Variants in DHRS3 observed in about 807,000 individuals in gnomAD.
DHRS3 encodes the protein short-chain dehydrogenase/reductase 3.
DHRS3 carries 14 observed loss-of-function variants against 27.2 expected under a neutral mutation model. The ratio of observed to expected loss-of-function variants is 0.52; its 90% CI spans 0.34 to 0.81. The LOEUF (loss-of-function observed/expected upper bound fraction) is 0.81. Ranked by LOEUF, DHRS3 falls within the 30% of genes least tolerant of loss-of-function variation. DHRS3 has a pLI of 0.01. For missense variants in DHRS3, 322 were observed against 406.2 expected (o/e 0.79, Z 1.78); for synonymous variants, 165 against 175.9 (o/e 0.94, Z 0.49).
intron 3 of DHRS3, 61 bp downstream of exon 3, chr1:12,579,232 C>T: frequency 6.2e-7 from 1 of 1,612,890 alleles, no homozygotes; most frequent in Non-Finnish European, 8.5e-7. Flanking sequence ...ATCCCCTCCC[C>T]TCCATCCTGC....
At chr1:12,590,628 A>G (rs928505061) in intron 1 of DHRS3, among the ~76,000 whole-genome samples, 1 of 152,056 alleles carries the variant, frequency 6.6e-6, no homozygotes, top group Non-Finnish European at 1.5e-5. Context: ...TCATTTCTAC[A>G]AAGACTCTGT....
intron 1 of DHRS3, among the ~76,000 whole-genome samples, chr1:12,612,269 C>T (rs369863152): frequency 3.3e-5 from 5 of 152,276 alleles, no homozygotes; most frequent in African/African-American, 1.2e-4. Flanking sequence ...GGCCTGATGA[C>T]TCTAGGGACC....
intron 5 of DHRS3, 110 bp from the exon 6 acceptor site, chr1:12,568,534 G>A: frequency 2.0e-6 from 2 of 1,023,298 alleles, no homozygotes; most frequent in African/African-American, 1.6e-5. Context: ...GTTCCTGAAA[G>A]TGCTCCCCAC....
At chr1:12,617,082 C>G (rs567383368) in intron 1 of DHRS3, 72 bp downstream of exon 1, 24 of 1,490,700 alleles carry the variant, frequency 1.6e-5, no homozygotes, top group African/African-American at 2.8e-5. Context: ...GCGCGGGATC[C>G]CGCAGCGGCA....
At chr1:12,615,231 C>T (rs1032637458) in intron 1 of DHRS3, among the ~76,000 whole-genome samples, 4 of 151,966 alleles carry the variant, frequency 2.6e-5, no homozygotes, top group Admixed American at 2.6e-4. Context: ...CAGATAATGG[C>T]GAGTTACAGG....
chr1:12,589,840 CATTATTATT>C (rs150189606), intron 1 of DHRS3, among the ~76,000 whole-genome samples: 3 of 149,172 alleles, frequency 2.0e-5, no homozygotes, highest in Admixed American at 6.7e-5. Context: ...AGCTAGCTGT[CATTATTATT>C]ATTATTATTA....
intron 1 of DHRS3, among the ~76,000 whole-genome samples, chr1:12,615,403 C>T (rs772239072): frequency 4.7e-4 from 72 of 152,150 alleles, no homozygotes; most frequent in Admixed American, 4.5e-3. Flanking sequence ...TGGAAGAGGA[C>T]GTCCAGTCCA....
At chr1:12,579,271 T>G in intron 3 of DHRS3, 22 bp downstream of exon 3, 1 of 1,614,058 alleles carries the variant, frequency 6.2e-7, no homozygotes. Context: ...CGGGGCTGGC[T>G]CTGGCCCCGG....
intron 1 of DHRS3, among the ~76,000 whole-genome samples, chr1:12,590,470 C>A (rs1646736314): frequency 6.6e-6 from 1 of 152,058 alleles, no homozygotes; most frequent in Non-Finnish European, 1.5e-5. Flanking sequence ...GCCACCACGC[C>A]CGGCTAATTT....
At chr1:12,616,874 G>T in intron 1 of DHRS3, 1 of 1,056,360 alleles carries the variant, frequency 9.5e-7, no homozygotes, top group Non-Finnish European at 1.3e-6. Context: ...AGGAATGTGG[G>T]AAATGGTGGG....
chr1:12,576,258 C>G (rs1646585839), intron 4 of DHRS3, among the ~76,000 whole-genome samples: 1 of 152,106 alleles, frequency 6.6e-6, no homozygotes, highest in African/African-American at 2.4e-5. Flanking sequence ...GCTCAGGACA[C>G]CCAATTAGAA....
At chr1:12,569,343 A>G (rs1042677126) in intron 5 of DHRS3, among the ~76,000 whole-genome samples, 4 of 151,652 alleles carry the variant, frequency 2.6e-5, no homozygotes, top group Non-Finnish European at 4.4e-5. Context: ...TAAAATTTTT[A>G]TCTTTTTCCT....
At chr1:12,602,452 G>A (rs1646841926) in intron 1 of DHRS3, among the ~76,000 whole-genome samples, 1 of 151,980 alleles carries the variant, frequency 6.6e-6, no homozygotes, top group African/African-American at 2.4e-5. Flanking sequence ...GAGGGCTTCT[G>A]TGGCAGGGGC....
intron 1 of DHRS3, 47 bp downstream of exon 1, chr1:12,617,107 C>T (rs757399594): frequency 5.1e-6 from 8 of 1,569,428 alleles, no homozygotes; most frequent in East Asian, 2.3e-5. Context: ...GTGGGCTTAC[C>T]CCCGCCCCTG....
At chr1:12,602,246 C>A (rs895619118) in intron 1 of DHRS3, among the ~76,000 whole-genome samples, 46 of 152,298 alleles carry the variant, frequency 3.0e-4, no homozygotes, top group African/African-American at 1.1e-3. Context: ...GGAGGCTGTA[C>A]CCCTGACCAG....
chr1:12,602,014 A>G (rs113921525), intron 1 of DHRS3, among the ~76,000 whole-genome samples: 75 of 152,332 alleles, frequency 4.9e-4, no homozygotes, highest in African/African-American at 1.7e-3. Context: ...ATACTGTGCC[A>G]GTTGCCAGAT....
chr1:12,602,906 GACA>G (rs889783066), intron 1 of DHRS3, among the ~76,000 whole-genome samples: 25 of 152,374 alleles, frequency 1.6e-4, no homozygotes, highest in Middle Eastern at 3.4e-3. Flanking sequence ...TGGCTGCTGT[GACA>G]CTGCCTTTGG....
intron 4 of DHRS3, among the ~76,000 whole-genome samples, chr1:12,577,979 C>T (rs965555261): frequency 1.1e-4 from 16 of 152,274 alleles, no homozygotes; most frequent in African/African-American, 2.9e-4. Context: ...CTAGTTCCCT[C>T]GCCTCCCTCC....
In DHRS3 at chr1:12,578,956, T is replaced by A; in HGVS notation, c.460A>T (p.Thr154Ser). 6.2e-7 allele frequency: 1 copy of A among 1,611,114 alleles called. No individual in the cohort carries two copies. Among genetic ancestry groups the A allele is most frequent in the Non-Finnish European group, 8.5e-7 (1 of 1,179,418 alleles). Residue 154 changes from threonine (T) to serine (S), a missense_variant and splice_region_variant, in exon 4 of 6, where the codon ACC (threonine) becomes TCC (serine). By Grantham distance (58) the Thr-to-Ser change is moderately conservative. Transcript: ENST00000616661. The surrounding 1 kb of genome is among the most constrained non-coding windows in gnomAD (Gnocchi z 4.5). ...QHINTLGQFW[T>S]TKAFLPRMLE... ...ATACGCGGCAGGAAGGCCTTGGTGG[T>A]CTGAGGGCAGATGGGGTGTCAGGGT... is the stretch of plus-strand genomic sequence containing the variant.
Sources: allele counts gnomAD v4.1 joint callset (sites outside exome capture counted in the v4.1 genomes callset), GRCh38; gene constraint gnomAD v4.1.1; non-coding constraint Gnocchi (gnomAD v3.1); transcripts MANE v1.5; gene names NCBI Gene and HGNC (gene_info 2026-07-23, HGNC 2026-07-21).